The following DLGAP2 variants were observed in gnomAD, a reference collection of about 807,000 sequenced individuals.
DLGAP2 encodes the protein DLG associated protein 2.
Under a neutral mutation model 100.3 loss-of-function variants are expected in DLGAP2, and 26 were observed. The observed-to-expected ratio is 0.26, with a 90% CI of 0.19 to 0.36. DLGAP2 has a LOEUF of 0.36. DLGAP2 is among the 10% of genes least tolerant of loss of function. The pLI is 1.00. For missense variants in DLGAP2, 1,858 were observed against 1,453.2 expected, an observed-to-expected ratio of 1.28 and a Z score of -4.53; for synonymous variants, 886 against 630.1, an observed-to-expected ratio of 1.41 and a Z score of -6.08.
At chr8:1,439,979 G>A (rs763464822) in intron 3 of DLGAP2, among the ~76,000 whole-genome samples, 21 of 152,110 alleles carry the variant, frequency 1.4e-4, no homozygotes, top group Non-Finnish European at 2.8e-4. Context: ...CCTATGATGT[G>A]CAAGTCACCA....
At chr8:1,415,535 C>T (rs1363739923) in intron 3 of DLGAP2, among the ~76,000 whole-genome samples, 1 of 152,162 alleles carries the variant, frequency 6.6e-6, no homozygotes, top group Non-Finnish European at 1.5e-5. Flanking sequence ...TATGTTTAGC[C>T]TCCACTTATA....
chr8:1,624,465 A>T (rs1471524695), intron 6 of DLGAP2, among the ~76,000 whole-genome samples: 2 of 151,910 alleles, frequency 1.3e-5, no homozygotes, highest in Middle Eastern at 3.2e-3. Flanking sequence ...ACGTGGACAC[A>T]TTCAAAGGAA....
chr8:799,508 T>C (rs1280463212), intron 1 of DLGAP2, among the ~76,000 whole-genome samples: 1 of 152,226 alleles, frequency 6.6e-6, no homozygotes, highest in Non-Finnish European at 1.5e-5. Context: ...TGTTTTTGGC[T>C]GGCTCTGTGT....
chr8:1,134,636 T>C (rs1796366211), intron 2 of DLGAP2, among the ~76,000 whole-genome samples: 2 of 152,212 alleles, frequency 1.3e-5, no homozygotes, highest in Non-Finnish European at 2.9e-5. Context: ...GTTTTCACAC[T>C]GCTATAAAGA....
intron 2 of DLGAP2, among the ~76,000 whole-genome samples, chr8:997,470 C>A (rs749400036): frequency 6.6e-6 from 1 of 152,142 alleles, no homozygotes; most frequent in Non-Finnish European, 1.5e-5. Context: ...GATCACAAAG[C>A]CTTCTACTCC....
chr8:1,496,793 C>G (rs181535636), intron 3 of DLGAP2, among the ~76,000 whole-genome samples: 16 of 152,292 alleles, frequency 1.1e-4, no homozygotes, highest in Middle Eastern at 3.4e-3. Flanking sequence ...CGAGGCACCG[C>G]ACACGCCATC....
chr8:867,955 C>A (rs1407758317), intron 1 of DLGAP2, among the ~76,000 whole-genome samples: 1 of 152,136 alleles, frequency 6.6e-6, no homozygotes, highest in African/African-American at 2.4e-5. Flanking sequence ...TTGTTAACAT[C>A]TGAGGTGATA....
intron 4 of DLGAP2, among the ~76,000 whole-genome samples, chr8:1,547,138 C>A (rs985315405): frequency 2.0e-5 from 3 of 152,100 alleles, no homozygotes; most frequent in Non-Finnish European, 2.9e-5. Context: ...GTGCTTAAGG[C>A]TCAGCAGACT....
chr8:771,309 A>G (rs1821353259), intron 1 of DLGAP2, among the ~76,000 whole-genome samples: 1 of 152,250 alleles, frequency 6.6e-6, no homozygotes, highest in African/African-American at 2.4e-5. Flanking sequence ...GGCATTTTGT[A>G]AAAGGATCGA....
intron 14 of DLGAP2, among the ~76,000 whole-genome samples, chr8:1,700,782 G>A (rs1366870382): frequency 6.6e-6 from 1 of 152,220 alleles, no homozygotes; most frequent in Non-Finnish European, 1.5e-5. Context: ...CTGCAGTGTT[G>A]AATAGGGATG....
intron 8 of DLGAP2, among the ~76,000 whole-genome samples, chr8:1,644,510 C>T (rs909931966): frequency 6.6e-6 from 1 of 152,204 alleles, no homozygotes; most frequent in Non-Finnish European, 1.5e-5. Flanking sequence ...GTGCTTTAAG[C>T]CCCAGCTCAG....
chr8:1,334,809 G>A (rs988638175), intron 3 of DLGAP2, among the ~76,000 whole-genome samples: 3 of 151,510 alleles, frequency 2.0e-5, no homozygotes, highest in Non-Finnish European at 4.4e-5. Flanking sequence ...GTGTTGACAC[G>A]CTGTAAAGGA....
chr8:1,049,938 G>A (rs1223902386), intron 2 of DLGAP2, among the ~76,000 whole-genome samples: 2 of 152,152 alleles, frequency 1.3e-5, no homozygotes, highest in East Asian at 3.9e-4. Context: ...GTACACACGT[G>A]GATATATGCA....
intron 3 of DLGAP2, among the ~76,000 whole-genome samples, chr8:1,354,094 T>A (rs1801795071): frequency 6.6e-6 from 1 of 152,182 alleles, no homozygotes; most frequent in Non-Finnish European, 1.5e-5. Flanking sequence ...GCCTTAAAAA[T>A]ATTCATTAAC....
chr8:1,509,291 T>C (rs1032359231), intron 4 of DLGAP2, among the ~76,000 whole-genome samples: 20 of 148,446 alleles, frequency 1.3e-4, no homozygotes, highest in African/African-American at 4.3e-4. Context: ...ATATTACGCC[T>C]CTGTGCTCCG....
chr8:758,173 C>T (rs1424592603), intron 1 of DLGAP2, among the ~76,000 whole-genome samples: 1 of 152,176 alleles, frequency 6.6e-6, no homozygotes, highest in Non-Finnish European at 1.5e-5. Flanking sequence ...GCCAGGTGGA[C>T]AGTGAAGCCA....
chr8:1,049,291 A>G (rs1266249299), intron 2 of DLGAP2, among the ~76,000 whole-genome samples: 1 of 152,090 alleles, frequency 6.6e-6, no homozygotes, highest in African/African-American at 2.4e-5. Context: ...GCAAATATCA[A>G]TGTTAGGATG....
intron 2 of DLGAP2, among the ~76,000 whole-genome samples, chr8:1,199,944 C>A (rs368352022): frequency 2.0e-5 from 3 of 151,956 alleles, no homozygotes; most frequent in Non-Finnish European, 4.4e-5. Context: ...GATTCCCCCC[C>A]ACAACCCCCC....
At chr8:1,344,114 T>TTCGGGGCCCTGTCATGGGTCCGTGTAC in intron 3 of DLGAP2, among the ~76,000 whole-genome samples, 1 of 36,936 alleles carries the variant, frequency 2.7e-5, no homozygotes, top group African/African-American at 5.4e-5. Flanking sequence ...GGTCCATGTA[T>TTCGGGGCCCTGTCATGGGTCCGTGTAC]TCGGGGCCCT....
Sources: gnomAD v4.1 joint callset for allele counts (sites outside exome capture counted in the v4.1 genomes callset) on GRCh38, gnomAD v4.1.1 for gene constraint, MANE v1.5 for transcripts, NCBI Gene and HGNC (gene_info 2026-07-23, HGNC 2026-07-21) for gene names.